Variants in STAC observed in about 807,000 individuals in gnomAD.
STAC encodes the protein SH3 and cysteine rich domain.
Under a neutral mutation model 48.8 loss-of-function variants are expected in STAC, and 43 were observed. The ratio of observed to expected loss-of-function variants is 0.88; its 90% CI spans 0.69 to 1.14. The LOEUF (loss-of-function observed/expected upper bound fraction) is 1.14. Among genes scored for constraint, STAC ranks in the 50% most tolerant of loss-of-function variants. The pLI is 0.00. For synonymous variants in STAC, 193 were observed against 179.5 expected (o/e 1.07, Z -0.60); for missense variants, 497 against 504.0 (o/e 0.99, Z 0.13).
intron 1 of STAC, among the ~76,000 whole-genome samples, chr3:36,420,566 T>C (rs997749236): frequency 6.6e-6 from 1 of 152,314 alleles, no homozygotes. Flanking sequence ...TATTGTGAAC[T>C]GTGCATGCGA....
chr3:36,438,817 G>A (rs1037119721), intron 1 of STAC, among the ~76,000 whole-genome samples: 4 of 152,158 alleles, frequency 2.6e-5, no homozygotes, highest in African/African-American at 9.7e-5. Flanking sequence ...ACAGGAGGGA[G>A]ACAAGATTGG....
intron 2 of STAC, among the ~76,000 whole-genome samples, chr3:36,449,429 G>A (rs1040459540): frequency 2.0e-5 from 3 of 152,040 alleles, no homozygotes; most frequent in Admixed American, 6.6e-5. Context: ...TCTAACACTC[G>A]CAAGGGCAGA....
intron 10 of STAC, among the ~76,000 whole-genome samples, chr3:36,539,887 C>T (rs1055258842): frequency 2.6e-5 from 4 of 152,036 alleles, no homozygotes; most frequent in African/African-American, 4.8e-5. Flanking sequence ...CAAAGATGCC[C>T]GGGTCCTAAC....
intron 1 of STAC, among the ~76,000 whole-genome samples, chr3:36,427,200 G>A (rs557953939): frequency 2.3e-4 from 35 of 152,368 alleles, no homozygotes; most frequent in African/African-American, 7.0e-4. Context: ...ATGATGAGCA[G>A]AGCAGAACTT....
intron 1 of STAC, among the ~76,000 whole-genome samples, chr3:36,435,179 A>C (rs1575197163): frequency 6.6e-6 from 1 of 151,440 alleles, no homozygotes; most frequent in Non-Finnish European, 1.5e-5. Context: ...TAGTCCATTC[A>C]CCCTCCCCTG....
chr3:36,497,547 T>C (rs1698179968), intron 6 of STAC, among the ~76,000 whole-genome samples: 1 of 152,068 alleles, frequency 6.6e-6, no homozygotes, highest in East Asian at 1.9e-4. Flanking sequence ...GACAATAAAA[T>C]GGGGAGTGGC....
chr3:36,403,176 A>G (rs1700030158), intron 1 of STAC, among the ~76,000 whole-genome samples: 1 of 152,226 alleles, frequency 6.6e-6, no homozygotes, highest in African/African-American at 2.4e-5. Context: ...ATTTCTGTCT[A>G]ATTTTTTTGT....
intron 2 of STAC, among the ~76,000 whole-genome samples, chr3:36,460,511 AC>A (rs1261375594): frequency 6.6e-6 from 1 of 152,018 alleles, no homozygotes; most frequent in Non-Finnish European, 1.5e-5. Context: ...TGGCAACCCT[AC>A]CCCCAGGGGA....
chr3:36,400,976 A>G (rs1261162511), intron 1 of STAC, among the ~76,000 whole-genome samples: 1 of 152,188 alleles, frequency 6.6e-6, no homozygotes, highest in South Asian at 2.1e-4. Flanking sequence ...GGTTAGTCCA[A>G]CCTTTCATAC....
chr3:36,520,777 A>G (rs754820432), intron 8 of STAC, among the ~76,000 whole-genome samples: 7 of 152,200 alleles, frequency 4.6e-5, no homozygotes, highest in Non-Finnish European at 7.3e-5. Context: ...TAATGTGTTT[A>G]GCAGCCTCCC....
rs1239415732 is a variant in STAC at position 36,534,248 on chromosome 3, G to A, written c.1110+5263G>A. On this transcript the variant is annotated intron_variant, in intron 10 of 10. Transcript: ENST00000273183. ...ATAGTAGCATCTCTCTCTTGAACTT[G>A]ATGTGAGAGTTAAATGTGCTCACCT... is the stretch of plus-strand genomic sequence containing the variant. 5.9e-5 allele frequency among the ~76,000 whole-genome samples: 9 copies of A among 152,252 alleles called. No individual in the cohort carries two copies. In the South Asian group the frequency reaches 1.2e-3, roughly 21 times the overall value.
chr3:36,398,885 C>T (rs1699943818), intron 1 of STAC, among the ~76,000 whole-genome samples: 1 of 152,132 alleles, frequency 6.6e-6, no homozygotes, highest in Non-Finnish European at 1.5e-5. Context: ...GTTGAGGTCT[C>T]TAAAAAGCAG....
chr3:36,415,374 C>T (rs1191799509), intron 1 of STAC, among the ~76,000 whole-genome samples: 1 of 152,216 alleles, frequency 6.6e-6, no homozygotes, highest in Admixed American at 6.5e-5. Context: ...ATGGCAGGCG[C>T]CCCTCCCCCA....
intron 6 of STAC, among the ~76,000 whole-genome samples, chr3:36,502,577 A>T (rs1401583667): frequency 1.3e-5 from 2 of 152,260 alleles, no homozygotes; most frequent in Non-Finnish European, 2.9e-5. Flanking sequence ...CACACTGAAC[A>T]TTGTATATGC....
In STAC at chr3:36,451,742, T is replaced by C. The variant is rs960202858; in HGVS notation, c.388+8102T>C. 5.3e-5 allele frequency among the ~76,000 whole-genome samples: 8 copies of C among 152,226 alleles called. No homozygotes were observed. The East Asian group carries it at 1.5e-3, about 29-fold the overall frequency. Reference sequence around the variant, plus strand: ...TATCCATCACTTCAAACATTCATCATTTCTTTGTGTTGGGAATATTTCAAA... The same window carrying C: ...TATCCATCACTTCAAACATTCATCACTTCTTTGTGTTGGGAATATTTCAAA... On this transcript the variant is annotated intron_variant, in intron 2 of 10. Transcript: ENST00000273183.
At chr3:36,525,374 C>T (rs1466863673) in intron 8 of STAC, among the ~76,000 whole-genome samples, 1 of 152,146 alleles carries the variant, frequency 6.6e-6, no homozygotes, top group Non-Finnish European at 1.5e-5. Context: ...CCTGTTATCC[C>T]AGTGAGTGCC....
At position 36,434,755 on chromosome 3, in the gene STAC, G is replaced by A. The variant is rs1008489065; in HGVS notation, c.112-8609G>A. Among the ~76,000 whole-genome samples, 4 of 152,164 alleles carry A rather than the reference G, an allele frequency of 2.6e-5. 1 individual carries two copies. The highest frequency in any genetic ancestry group is 5.9e-5 in the Non-Finnish European group (4 of 68,024). On this transcript the variant is annotated intron_variant, in intron 1 of 10. Transcript: ENST00000273183. The stretch of plus-strand genomic sequence containing the variant: ...TTGATGTGCCGCTGTGGAACAGACT[G>A]GTAAATCAATACACCTGCTATTACA...
Position 36,482,972 on chromosome 3 carries a change from G to A in STAC, c.389-20G>A. The A allele has an allele frequency of 1.5e-5, 24 of 1,598,412 alleles. No homozygotes were observed. The highest frequency in any genetic ancestry group is 2.0e-5 in the Non-Finnish European group (23 of 1,166,252). On this transcript the variant is annotated intron_variant, in intron 2 of 10. Transcript: ENST00000273183. ...AATGGCAGGTTGTATCCTAACCAAA[G>A]TTTGCCATGTACCTGACAGGAACAA...
intron 5 of STAC, among the ~76,000 whole-genome samples, chr3:36,492,031 A>AAAAAAAATATATATAT (rs1553639882): frequency 1.2e-4 from 2 of 16,440 alleles, no homozygotes; most frequent in African/African-American, 3.8e-4. Flanking sequence ...AAAAAAAAAA[A>AAAAAAAATATATATAT]ATATATATAT....
Sources: allele counts gnomAD v4.1 joint callset (sites outside exome capture counted in the v4.1 genomes callset), GRCh38; gene constraint gnomAD v4.1.1; transcripts MANE v1.5; gene names NCBI Gene and HGNC (gene_info 2026-07-23, HGNC 2026-07-21).